The following WDR43 variants were observed in gnomAD, a reference collection of about 807,000 sequenced individuals.
WDR43 encodes the protein WD repeat domain 43.
Under a neutral mutation model 91.4 loss-of-function variants are expected in WDR43, and 13 were observed. The observed-to-expected ratio is 0.14, with a 90% CI of 0.09 to 0.23. The LOEUF is 0.23. WDR43 is among the 10% of genes least tolerant of loss of function. The pLI, the probability that WDR43 is intolerant of heterozygous loss-of-function variation, is 1.00. For missense variants in WDR43, 780 were observed against 809.4 expected, an observed-to-expected ratio of 0.96 and a Z score of 0.44; for synonymous variants, 331 against 287.9, an observed-to-expected ratio of 1.15 and a Z score of -1.51.
At position 28,946,651 on chromosome 2, in the gene WDR43, G is replaced by A. The variant is rs144299708; in HGVS notation, c.1906G>A (p.Val636Ile). 42 of 1,558,252 alleles carry A rather than the reference G, an allele frequency of 2.7e-5. No homozygotes were observed. In the East Asian group the frequency reaches 3.4e-4, roughly 12 times the overall value. ...GAGTGAAAGTGAAAAAGATGAGGAC[G>A]TTGAAGAGGAAGATGAGGATGCCGA... Reference protein sequence around the residue: ...EESESEKDEDVEEEDEDAEGK... With the variant: ...EESESEKDEDIEEEDEDAEGK... The change falls in exon 18 of 18, where the codon GTT becomes ATT. Residue 636 changes from valine to isoleucine, a missense_variant. Coordinates refer to ENST00000407426, the MANE Select transcript of WDR43 (RefSeq NM_015131.3).
intron 3 of WDR43, among the ~76,000 whole-genome samples, chr2:28,910,073 A>G (rs1670760481): frequency 6.6e-6 from 1 of 152,198 alleles, no homozygotes; most frequent in Non-Finnish European, 1.5e-5. Context: ...TAACTTGTGC[A>G]TACAGATCTG....
At chr2:28,941,709 C>A in intron 15 of WDR43, 135 bp downstream of exon 15, 1 of 640,106 alleles carries the variant, frequency 1.6e-6, no homozygotes, top group Non-Finnish European at 2.7e-6. Context: ...TAGCTCACTG[C>A]AGCCTCGCTC....
In WDR43 at chr2:28,926,419, T is replaced by C. The variant is rs192293397; in HGVS notation, c.1087-49T>C. 3.0e-5 allele frequency: 41 copies of C among 1,388,828 alleles called. No homozygotes were observed. The African/African-American group carries it at 5.0e-4, about 17-fold the overall frequency. The allele number at this position is 1,388,828 out of a possible 1,614,324, so 86.0% of individuals were successfully genotyped here. A position where few individuals can be genotyped will look rare whatever the true frequency, so the allele number is the denominator to read the frequency against. On this transcript the variant is annotated intron_variant, in intron 8 of 17. Transcript: ENST00000407426. ...CCCAGTTGCTTTGTTTGACACTCTT[T>C]TTTTTTTCTTTCCTCTCATCTTCCC...
chr2:28,942,804 A>G (rs1339086013), intron 16 of WDR43, among the ~76,000 whole-genome samples: 1 of 151,830 alleles, frequency 6.6e-6, no homozygotes, highest in Non-Finnish European at 1.5e-5. Context: ...TTTTGTAAAG[A>G]CAGAGTTTCA....
At chr2:28,907,074 C>T (rs1670695039) in intron 3 of WDR43, among the ~76,000 whole-genome samples, 2 of 152,152 alleles carry the variant, frequency 1.3e-5, no homozygotes, top group South Asian at 2.1e-4. Flanking sequence ...TCAAAGGATC[C>T]TAAGAGCCTG....
At position 28,926,399 on chromosome 2, in the gene WDR43, T is replaced by C. The variant is rs1671141176; in HGVS notation, c.1087-69T>C. On this transcript the variant is annotated intron_variant, in intron 8 of 17. Coordinates refer to ENST00000407426, the MANE Select transcript of WDR43 (RefSeq NM_015131.3). ...TTTTTCATTTTGTTCTTATTCCCAG[T>C]TGCTTTGTTTGACACTCTTTTTTTT... The C allele has an allele frequency of 4.4e-6, 5 of 1,140,664 alleles. 1 individual carries two copies. The highest frequency in any genetic ancestry group is 6.1e-6 in the Non-Finnish European group (5 of 823,124). 70.7% of individuals were successfully genotyped at this position (1,140,664 alleles called of 1,614,324 possible). A position where few individuals can be genotyped will look rare whatever the true frequency, so the allele number is the denominator to read the frequency against.
At chr2:28,912,750 A>C (rs746672893) in intron 4 of WDR43, 40 bp downstream of exon 4, 16 of 1,601,670 alleles carry the variant, frequency 1.0e-5, no homozygotes, top group Non-Finnish European at 1.3e-5. Flanking sequence ...AAAATTATAG[A>C]GTAAACACAG....
intron 16 of WDR43, among the ~76,000 whole-genome samples, chr2:28,943,199 T>G (rs1572605917): frequency 6.6e-6 from 1 of 151,750 alleles, no homozygotes; most frequent in Non-Finnish European, 1.5e-5. Context: ...TGGCTCGAGG[T>G]CAATCATAGC....
intron 13 of WDR43, 123 bp downstream of exon 13, chr2:28,937,076 C>T: frequency 1.1e-6 from 1 of 902,822 alleles, no homozygotes; most frequent in Non-Finnish European, 1.7e-6. Flanking sequence ...TCGCCACCTC[C>T]CTTATTTTAA....
At chr2:28,895,272 GT>G in intron 1 of WDR43, 1 of 225,584 alleles carries the variant, frequency 4.4e-6, no homozygotes, top group Non-Finnish European at 8.6e-6. Context: ...CAGAGTTCTG[GT>G]TTTTGACAGA....
intron 8 of WDR43, among the ~76,000 whole-genome samples, chr2:28,925,920 T>A (rs1279354892): frequency 6.6e-6 from 1 of 152,214 alleles, no homozygotes; most frequent in African/African-American, 2.4e-5. Context: ...CGATATTGAT[T>A]AATTACATGG....
chr2:28,940,889 G>A (rs1671422340), intron 14 of WDR43, among the ~76,000 whole-genome samples: 1 of 152,034 alleles, frequency 6.6e-6, no homozygotes, highest in South Asian at 2.1e-4. Flanking sequence ...AGAGCAACAT[G>A]GGAGCAAAAA....
At chr2:28,938,525 C>T (rs1175179845) in intron 14 of WDR43, among the ~76,000 whole-genome samples, 1 of 152,010 alleles carries the variant, frequency 6.6e-6, no homozygotes, top group African/African-American at 2.4e-5. Context: ...GGTTCTTTGC[C>T]ACATCATTAC....
intron 14 of WDR43, among the ~76,000 whole-genome samples, chr2:28,940,650 C>G (rs1256994523): frequency 6.6e-6 from 1 of 152,140 alleles, no homozygotes; most frequent in African/African-American, 2.4e-5. Flanking sequence ...TAAAAAGAGG[C>G]ATTTAAATTT....
chr2:28,903,711 A>G (rs1015155176), intron 2 of WDR43, among the ~76,000 whole-genome samples: 4 of 152,164 alleles, frequency 2.6e-5, no homozygotes, highest in African/African-American at 4.8e-5. Context: ...GTAGGAGCCT[A>G]TCCTTTAATT....
At chr2:28,904,003 T>C (rs1019006100) in intron 2 of WDR43, among the ~76,000 whole-genome samples, 1 of 152,068 alleles carries the variant, frequency 6.6e-6, no homozygotes, top group East Asian at 1.9e-4. Flanking sequence ...TGGGGTTTTG[T>C]CATGTTGGCC....
chr2:28,945,702 C>G (rs924560387), intron 16 of WDR43, among the ~76,000 whole-genome samples: 15 of 152,204 alleles, frequency 9.9e-5, no homozygotes, highest in Non-Finnish European at 1.8e-4. Context: ...CAGTTTTTTC[C>G]TCTCCATTGT....
intron 4 of WDR43, 29 bp from the exon 5 acceptor site, chr2:28,914,040 T>C (rs779191376): frequency 6.2e-7 from 1 of 1,609,320 alleles, no homozygotes; most frequent in South Asian, 1.1e-5. Flanking sequence ...TTGAATCTGC[T>C]CTCCTAACTG....
chr2:28,901,381 C>T (rs886249148), intron 1 of WDR43, among the ~76,000 whole-genome samples: 4 of 152,328 alleles, frequency 2.6e-5, no homozygotes, highest in African/African-American at 9.6e-5. Context: ...GTCACTGAAT[C>T]ACTGAGCCAG....
Sources: allele counts gnomAD v4.1 joint callset (sites outside exome capture counted in the v4.1 genomes callset), GRCh38; gene constraint gnomAD v4.1.1; transcripts MANE v1.5; gene names NCBI Gene and HGNC (gene_info 2026-07-23, HGNC 2026-07-21).